Variants in MAP3K3 observed in about 807,000 individuals in gnomAD.
MAP3K3 encodes the protein MAP/ERK kinase kinase 3.
Under a neutral mutation model 80.9 loss-of-function variants are expected in MAP3K3, and 12 were observed. That is an observed-to-expected ratio of 0.15 (90% CI 0.10 to 0.24). MAP3K3 has a LOEUF of 0.24. Ranked by LOEUF, MAP3K3 falls within the 10% of genes least tolerant of loss-of-function variation. The probability of loss-of-function intolerance (pLI) is 1.00; values close to 1 mark genes in which losing one functional copy is unlikely to be tolerated. For missense variants in MAP3K3, 596 were observed against 834.7 expected (o/e 0.71, Z 3.52); for synonymous variants, 272 against 307.1 (o/e 0.89, Z 1.19).
Position 63,689,857 on chromosome 17 carries a change from C to T in MAP3K3, c.1063+122C>T. 1 of 879,168 alleles carries T rather than the reference C, an allele frequency of 1.1e-6. No individual in the cohort carries two copies. Among genetic ancestry groups the T allele is most frequent in the Admixed American group, 2.7e-5 (1 of 37,004 alleles). The allele number at this position is 879,168 out of a possible 1,614,324, so 54.5% of individuals were successfully genotyped here. On this transcript the variant is annotated intron_variant, in intron 11 of 15. Coordinates refer to ENST00000361733, the MANE Select transcript of MAP3K3 (RefSeq NM_002401.5). The surrounding 1 kb of genome is among the most constrained non-coding windows in gnomAD (Gnocchi z 4.3). ...AGGTGGTGGCTTTGGCCCAAATGCA[C>T]CACATGGGATAAGCCTTGGAGTGTC...
chr17:63,690,028 T>C, intron 11 of MAP3K3: 1 of 595,702 alleles, frequency 1.7e-6, no homozygotes, highest in Non-Finnish European at 3.0e-6. Flanking sequence ...ATTTGATCAA[T>C]GCAGAAGAGC....
chr17:63,681,466 T>C (rs1487854761), intron 6 of MAP3K3, among the ~76,000 whole-genome samples: 2 of 152,230 alleles, frequency 1.3e-5, no homozygotes, highest in Non-Finnish European at 2.9e-5. Flanking sequence ...ATAAGAATTT[T>C]TTTAAAAGCT....
intron 4 of MAP3K3, among the ~76,000 whole-genome samples, chr17:63,653,527 C>T (rs1255929215): frequency 6.6e-6 from 1 of 152,086 alleles, no homozygotes; most frequent in East Asian, 1.9e-4. Flanking sequence ...TTAAGAATTC[C>T]TGATGTTTCT....
In MAP3K3 at chr17:63,691,438, T is replaced by C. The variant is rs1380738790; in HGVS notation, c.1344+205T>C. Among the ~76,000 whole-genome samples, 1 of 152,080 alleles carries C rather than the reference T, an allele frequency of 6.6e-6. No homozygotes were observed. Among genetic ancestry groups the C allele is most frequent in the African/African-American group, 2.4e-5 (1 of 41,394 alleles). Reference sequence around the variant, plus strand: ...CAGTGGGAGTATGAGATGACAGCTGTCCTAGGTCCAGCACTCCCCTGAGGC... The same window carrying C: ...CAGTGGGAGTATGAGATGACAGCTGCCCTAGGTCCAGCACTCCCCTGAGGC... On this transcript the variant is annotated intron_variant, in intron 13 of 15. Coordinates refer to ENST00000361733, the MANE Select transcript of MAP3K3 (RefSeq NM_002401.5). This position sits in a 1 kb window ranked among gnomAD's most constrained non-coding sequence, Gnocchi z 4.8.
At chr17:63,688,326 G>T (rs1225248146) in intron 8 of MAP3K3, 2 of 608,588 alleles carry the variant, frequency 3.3e-6, no homozygotes, top group Non-Finnish European at 5.9e-6. Flanking sequence ...ACCACTCAGG[G>T]TGCTGTCAAA....
chr17:63,688,318 C>G, intron 8 of MAP3K3: 1 of 596,070 alleles, frequency 1.7e-6, no homozygotes, highest in Non-Finnish European at 3.0e-6. Context: ...GGAGATTTAC[C>G]ACTCAGGGTG....
intron 6 of MAP3K3, among the ~76,000 whole-genome samples, chr17:63,678,767 C>T (rs1483144471): frequency 1.3e-5 from 2 of 152,218 alleles, no homozygotes; most frequent in East Asian, 3.8e-4. Flanking sequence ...CAGTGGCTGA[C>T]GCCTGTAATC....
chr17:63,629,082 G>T (rs2034164843), intron 1 of MAP3K3, among the ~76,000 whole-genome samples: 1 of 151,996 alleles, frequency 6.6e-6, no homozygotes, highest in Non-Finnish European at 1.5e-5. Context: ...TTCTGACTCT[G>T]AAGTTCATAT....
chr17:63,632,769 G>A lies in MAP3K3; in HGVS notation c.93G>A (p.Met31Ile), dbSNP rs2034243816. Reference protein sequence around the residue: ...RRHRMPGYETMKNKDTGHSNR... With the variant: ...RRHRMPGYETIKNKDTGHSNR... ...ACCGGATGCCTGGATATGAGACCATGAAGAACAAAGACACAGGTCACTCAA... is the reference window on the plus strand; with the variant it reads ...ACCGGATGCCTGGATATGAGACCATAAAGAACAAAGACACAGGTCACTCAA... The change falls in exon 2 of 16, where the codon ATG (methionine) becomes ATA (isoleucine). Residue 31 changes from methionine to isoleucine, a missense_variant. Transcript: ENST00000361733. 1 of 1,613,776 alleles carries A rather than the reference G, an allele frequency of 6.2e-7. No homozygotes were observed. Among genetic ancestry groups the A allele is most frequent in the Admixed American group, 1.7e-5 (1 of 59,998 alleles).
intron 2 of MAP3K3, chr17:63,637,015 G>C: frequency 1.7e-6 from 1 of 596,646 alleles, no homozygotes; most frequent in Admixed American, 2.3e-5. Flanking sequence ...AGTGTGTGGT[G>C]GGGGACGACA....
At chr17:63,636,257 C>T (rs2034320977) in intron 2 of MAP3K3, among the ~76,000 whole-genome samples, 1 of 152,150 alleles carries the variant, frequency 6.6e-6, no homozygotes, top group African/African-American at 2.4e-5. Context: ...AACAAATAGG[C>T]AGCTATGGAA....
intron 7 of MAP3K3, chr17:63,682,197 C>T (rs1444763839): frequency 2.5e-5 from 6 of 240,892 alleles, no homozygotes; most frequent in East Asian, 8.0e-5. Flanking sequence ...GGCACCACCA[C>T]GCCCAGCTCA....
At chr17:63,662,587 G>A (rs2034916140) in intron 5 of MAP3K3, among the ~76,000 whole-genome samples, 1 of 151,860 alleles carries the variant, frequency 6.6e-6, no homozygotes, top group South Asian at 2.1e-4. Flanking sequence ...GACAGAGCTG[G>A]TCTGAAATCC....
Position 63,653,475 on chromosome 17 carries a change from T to C in MAP3K3, c.267+819T>C, listed in dbSNP as rs79914939. On this transcript the variant is annotated intron_variant, in intron 4 of 15. Coordinates refer to ENST00000361733, the MANE Select transcript of MAP3K3 (RefSeq NM_002401.5). ...ATTTTTCTTTTAGTAAAGACTTTTC[T>C]GAATCATTTAGTACTCTTTTCTTTT... Among the ~76,000 whole-genome samples, 288 of 152,396 alleles carry C rather than the reference T, an allele frequency of 1.9e-3. 3 individuals carry two copies. The highest frequency in any genetic ancestry group is 6.6e-3 in the African/African-American group (274 of 41,600).
intron 2 of MAP3K3, among the ~76,000 whole-genome samples, chr17:63,634,364 G>C (rs2034278229): frequency 6.6e-6 from 1 of 152,190 alleles, no homozygotes; most frequent in Non-Finnish European, 1.5e-5. Context: ...TGGGTGAAAA[G>C]GGGAAGCTTT....
chr17:63,622,813 C>A, intron 1 of MAP3K3, 50 bp downstream of exon 1: 1 of 452,664 alleles, frequency 2.2e-6, no homozygotes, highest in East Asian at 6.9e-5. Context: ...TCGCGACGCC[C>A]CGCCCCAGGC....
chr17:63,682,927 A>G (rs1032309360), intron 7 of MAP3K3, among the ~76,000 whole-genome samples: 4 of 152,226 alleles, frequency 2.6e-5, no homozygotes, highest in South Asian at 4.1e-4. Flanking sequence ...GGGTGTGTCT[A>G]CCACAGTGGC....
chr17:63,674,429 C>T (rs1334831246), intron 6 of MAP3K3, among the ~76,000 whole-genome samples: 1 of 152,058 alleles, frequency 6.6e-6, no homozygotes. Context: ...GCAGTGGTGC[C>T]ATCATGGCTC....
chr17:63,646,175 G>A (rs1305091267), intron 3 of MAP3K3, 101 bp downstream of exon 3: 3 of 1,056,318 alleles, frequency 2.8e-6, no homozygotes, highest in East Asian at 5.0e-5. Flanking sequence ...TCCCTGTGGG[G>A]CCACTGGCTG....
Sources: allele counts gnomAD v4.1 joint callset (sites outside exome capture counted in the v4.1 genomes callset), GRCh38; gene constraint gnomAD v4.1.1; non-coding constraint Gnocchi (gnomAD v3.1); transcripts MANE v1.5; gene names NCBI Gene and HGNC (gene_info 2026-07-23, HGNC 2026-07-21).